The following YME1L1 variants were observed in gnomAD, a reference collection of about 807,000 sequenced individuals.
The protein encoded by YME1L1 is ATP-dependent zinc metalloprotease YME1L1.
A neutral mutation model predicts 90.4 loss-of-function variants in YME1L1; 39 were observed. That is an observed-to-expected ratio of 0.43 (90% CI 0.33 to 0.56). The LOEUF (loss-of-function observed/expected upper bound fraction) is 0.56, where lower values mean the gene tolerates loss of function less well. Ranked by LOEUF, YME1L1 falls within the 20% of genes least tolerant of loss-of-function variation. The pLI, the probability that YME1L1 is intolerant of heterozygous loss-of-function variation, is 0.03. For synonymous variants in YME1L1, 284 were observed against 287.3 expected (o/e 0.99, Z 0.12); for missense variants, 617 against 868.4 (o/e 0.71, Z 3.64).
intron 1 of YME1L1, among the ~76,000 whole-genome samples, chr10:27,150,975 G>A (rs67177346): frequency 0.23 from 32,192 of 142,102 alleles, 3,828 homozygotes; most frequent in East Asian, 0.42. Flanking sequence ...GCCCAGACTG[G>A]AGTGCAGTGA....
chr10:27,127,534 T>TAC (rs1024262269), intron 8 of YME1L1, among the ~76,000 whole-genome samples: 1 of 152,170 alleles, frequency 6.6e-6, no homozygotes, highest in Non-Finnish European at 1.5e-5. Flanking sequence ...TATAATGGGA[T>TAC]ACTATGCAAT....
intron 12 of YME1L1, 29 bp from the exon 13 acceptor site, chr10:27,120,576 A>C (rs761506916): frequency 1.3e-6 from 2 of 1,563,514 alleles, no homozygotes; most frequent in South Asian, 2.3e-5. Context: ...AGGAAAATAT[A>C]AATTAAAACT....
chr10:27,119,204 C>T, intron 14 of YME1L1, 90 bp downstream of exon 14: 2 of 1,261,816 alleles, frequency 1.6e-6, no homozygotes, highest in South Asian at 1.8e-5. Flanking sequence ...ATAGCCATGG[C>T]TTTAGCTGTT....
At chr10:27,139,103 TTTA>T (rs1261860847) in intron 4 of YME1L1, among the ~76,000 whole-genome samples, 2 of 152,156 alleles carry the variant, frequency 1.3e-5, no homozygotes, top group African/African-American at 4.8e-5. Flanking sequence ...TTCTTCAGAT[TTTA>T]TTTAGGATTT....
At chr10:27,123,760 C>A in intron 9 of YME1L1, 61 bp from the exon 10 acceptor site, 1 of 1,483,348 alleles carries the variant, frequency 6.7e-7, no homozygotes, top group Non-Finnish European at 9.1e-7. Context: ...TCGATATGAA[C>A]CTATAAAATA....
At chr10:27,114,935 G>C (rs1346202427) in intron 17 of YME1L1, among the ~76,000 whole-genome samples, 1 of 152,210 alleles carries the variant, frequency 6.6e-6, no homozygotes, top group Non-Finnish European at 1.5e-5. Context: ...GCTGAGGCAG[G>C]AGAATCGCTT....
chr10:27,145,786 T>C, intron 2 of YME1L1, 196 bp from the exon 3 acceptor site: 1 of 412,676 alleles, frequency 2.4e-6, no homozygotes, highest in East Asian at 4.1e-5. Context: ...AGGTTTGACA[T>C]AGGTTAAAAA....
chr10:27,123,420 A>C, intron 10 of YME1L1, 127 bp downstream of exon 10: 2 of 1,095,242 alleles, frequency 1.8e-6, no homozygotes, highest in African/African-American at 1.6e-5. Context: ...ATTAGCATGC[A>C]AAGCTGGAGG....
intron 5 of YME1L1, among the ~76,000 whole-genome samples, chr10:27,135,871 T>G (rs140521205): frequency 6.6e-6 from 1 of 152,214 alleles, no homozygotes; most frequent in South Asian, 2.1e-4. Flanking sequence ...TACAGTAATT[T>G]AGGCAACAAA....
intron 18 of YME1L1, among the ~76,000 whole-genome samples, 157 bp from the exon 19 acceptor site, chr10:27,112,277 T>C (rs2056766705): frequency 6.6e-6 from 1 of 152,192 alleles, no homozygotes; most frequent in Non-Finnish European, 1.5e-5. Flanking sequence ...GTAGAGATAA[T>C]TTGTGCATTA....
chr10:27,138,707 T>A (rs1475522364), intron 4 of YME1L1, among the ~76,000 whole-genome samples: 2 of 152,170 alleles, frequency 1.3e-5, no homozygotes, highest in African/African-American at 4.8e-5. Context: ...TTTCTTGAAT[T>A]TTCTGGTAAA....
At chr10:27,122,809 C>A (rs928847665) in intron 11 of YME1L1, 32 bp downstream of exon 11, 1 of 1,611,070 alleles carries the variant, frequency 6.2e-7, no homozygotes, top group Admixed American at 1.7e-5. Flanking sequence ...GGAGGCATCA[C>A]CATATTCTAA....
chr10:27,149,925 A>G (rs2057192460), intron 1 of YME1L1, among the ~76,000 whole-genome samples: 1 of 151,606 alleles, frequency 6.6e-6, no homozygotes, highest in Admixed American at 6.6e-5. Context: ...AATACAAAAA[A>G]ATTGGCCAGG....
chr10:27,153,549 C>T (rs926383841), intron 1 of YME1L1, among the ~76,000 whole-genome samples: 3 of 152,072 alleles, frequency 2.0e-5, no homozygotes, highest in Non-Finnish European at 4.4e-5. Context: ...GTAATGAAAA[C>T]CCTTGAAATC....
chr10:27,110,663 C>T lies in YME1L1; in HGVS notation c.*1314G>A, dbSNP rs1043091259. On this transcript the variant is annotated 3_prime_UTR_variant, in exon 19 of 19. Coordinates refer to ENST00000376016, the MANE Select transcript of YME1L1 (RefSeq NM_014263.4). ...ACGCAGGGTAACACAAAGTTCACTT[C>T]GGAGGGGACTGAGATTTTTGTTTAA... 4 of 152,052 alleles carry T rather than the reference C, an allele frequency of 2.6e-5. No individual in the cohort carries two copies. Among genetic ancestry groups the T allele is most frequent in the African/African-American group, 7.2e-5 (3 of 41,382 alleles). The allele number at this position is 152,052 out of a possible 1,614,324, so 9.4% of individuals were successfully genotyped here. A position where few individuals can be genotyped will look rare whatever the true frequency, so the allele number is the denominator to read the frequency against.
rs1414931081 is a variant in YME1L1, at chr10:27,122,852, A to G, written c.1224T>C (p.Ala408=). ...YSRQTINQLL[A]EMDGFKPNEG... is the part of the protein sequence containing the mutation. ...GAAGACTCAATTACCCATCCATTTCAGCAAGAAGTTGATTTATGGTCTGCC... is the reference window on the plus strand; with the variant it reads ...GAAGACTCAATTACCCATCCATTTCGGCAAGAAGTTGATTTATGGTCTGCC... Residue 408 remains alanine (A), a synonymous_variant, in exon 11 of 19, where the codon GCT becomes GCC. Coordinates refer to ENST00000376016, the MANE Select transcript of YME1L1 (RefSeq NM_014263.4). 1 of 1,613,274 alleles carries G rather than the reference A, an allele frequency of 6.2e-7. No homozygotes were observed. The highest frequency in any genetic ancestry group is 1.1e-5 in the South Asian group (1 of 91,022).
chr10:27,115,786 T>C (rs1022859768), intron 17 of YME1L1, among the ~76,000 whole-genome samples: 11 of 152,218 alleles, frequency 7.2e-5, no homozygotes, highest in African/African-American at 2.7e-4. Context: ...AAGTAGACTC[T>C]TTCATGCCAC....
chr10:27,129,952 C>T (rs1057393530), intron 8 of YME1L1, among the ~76,000 whole-genome samples: 1 of 152,190 alleles, frequency 6.6e-6, no homozygotes, highest in Non-Finnish European at 1.5e-5. Flanking sequence ...TACCAACATT[C>T]CAACTTTATT....
intron 18 of YME1L1, among the ~76,000 whole-genome samples, chr10:27,113,690 AAAAAAC>A (rs1282955869): frequency 6.6e-6 from 1 of 150,694 alleles, no homozygotes; most frequent in Non-Finnish European, 1.5e-5. Flanking sequence ...AAAAAAAAAG[AAAAAAC>A]AAAAACAAAA....
Sources: allele counts gnomAD v4.1 joint callset (sites outside exome capture counted in the v4.1 genomes callset), GRCh38; gene constraint gnomAD v4.1.1; transcripts MANE v1.5; gene names NCBI Gene and HGNC (gene_info 2026-07-23, HGNC 2026-07-21).